Variants in MAF observed in about 807,000 individuals in gnomAD.
MAF encodes transcription factor Maf.
Under a neutral mutation model 22.0 loss-of-function variants are expected in MAF, and 10 were observed. The ratio of observed to expected loss-of-function variants is 0.45; its 90% CI spans 0.28 to 0.77. MAF has a LOEUF of 0.77. Ranked by LOEUF, MAF falls within the 30% of genes least tolerant of loss-of-function variation. The pLI is 0.12. For synonymous variants in MAF, 337 were observed against 255.8 expected, an observed-to-expected ratio of 1.32 and a Z score of -3.03; for missense variants, 544 against 548.4, an observed-to-expected ratio of 0.99 and a Z score of 0.08.
At chr16:79,218,404 T>A in the MAF span, among the ~76,000 whole-genome samples, 282 of 152,350 alleles carry the variant, frequency 1.9e-3, no homozygotes, top group African/African-American at 6.6e-3. Flanking sequence ...AGCATCTTTA[T>A]GCATACAGCT....
the MAF span, among the ~76,000 whole-genome samples, chr16:79,305,745 G>A: frequency 1.3e-5 from 2 of 152,198 alleles, no homozygotes; most frequent in African/African-American, 2.4e-5. Context: ...TAAGCAGAGA[G>A]AGGAATTTAC....
chr16:79,491,785 G>C, the MAF span, among the ~76,000 whole-genome samples: 19 of 152,192 alleles, frequency 1.2e-4, no homozygotes, highest in Non-Finnish European at 2.5e-4. Context: ...CCTTGGGATA[G>C]CACTGGCTAG....
chr16:79,374,199 G>C, the MAF span, among the ~76,000 whole-genome samples: 140 of 152,238 alleles, frequency 9.2e-4, no homozygotes, highest in Non-Finnish European at 1.5e-3. Flanking sequence ...TTGTTTCTTT[G>C]GGAATTCTTT....
chr16:79,552,070 A>G, the MAF span, among the ~76,000 whole-genome samples: 7 of 152,222 alleles, frequency 4.6e-5, no homozygotes, highest in South Asian at 1.2e-3. Flanking sequence ...TAAAGACCTG[A>G]AACCTAACCG....
At chr16:79,210,848 G>C in the MAF span, among the ~76,000 whole-genome samples, 1 of 152,166 alleles carries the variant, frequency 6.6e-6, no homozygotes. Context: ...CTCAAAAGGT[G>C]AATGAAAGTG....
chr16:79,559,706 G>A, the MAF span, among the ~76,000 whole-genome samples: 17 of 151,976 alleles, frequency 1.1e-4, no homozygotes, highest in African/African-American at 4.1e-4. Context: ...TTAAATTGGA[G>A]AAGCCAACGG....
chr16:79,383,570 C>G, the MAF span, among the ~76,000 whole-genome samples: 11 of 152,188 alleles, frequency 7.2e-5, no homozygotes, highest in Non-Finnish European at 1.5e-4. Flanking sequence ...GCTTTGATCT[C>G]AAGAAGCCAT....
the MAF span, chr16:79,203,276 C>T: frequency 6.6e-6 from 1 of 152,158 alleles, no homozygotes; most frequent in African/African-American, 2.4e-5. Context: ...TTAACAAGGC[C>T]AGCGTCTTGG....
the MAF span, among the ~76,000 whole-genome samples, chr16:79,400,730 C>G: frequency 6.6e-6 from 1 of 152,264 alleles, no homozygotes; most frequent in Non-Finnish European, 1.5e-5. Flanking sequence ...TTGATAGAGA[C>G]CCTATACCCG....
the MAF span, among the ~76,000 whole-genome samples, chr16:79,445,122 C>T: frequency 1.3e-5 from 2 of 152,126 alleles, no homozygotes; most frequent in African/African-American, 2.4e-5. Context: ...CAAGCTCCTC[C>T]TCCTGGGTTC....
the MAF span, among the ~76,000 whole-genome samples, chr16:79,350,905 G>A: frequency 7.0e-4 from 104 of 149,338 alleles, 1 homozygote; most frequent in African/African-American, 2.1e-3. Context: ...GTGTGTGTGC[G>A]TGTGAATACA....
the MAF span, among the ~76,000 whole-genome samples, chr16:79,487,753 T>C: frequency 5.9e-5 from 9 of 152,190 alleles, no homozygotes; most frequent in African/African-American, 1.9e-4. Flanking sequence ...GGAGACTACA[T>C]CCTTGGCCAG....
chr16:79,588,446 T>A (rs1912990384), intron 1 of MAF, among the ~76,000 whole-genome samples: 2 of 152,180 alleles, frequency 1.3e-5, no homozygotes, highest in Non-Finnish European at 2.9e-5. Context: ...TTTCTTTCTT[T>A]TTTTTTAAGA....
the MAF span, among the ~76,000 whole-genome samples, chr16:79,458,391 A>T: frequency 5.3e-5 from 8 of 152,200 alleles, no homozygotes; most frequent in Admixed American, 2.0e-4. Context: ...CCAACGTCAG[A>T]AACCATGTGG....
the MAF span, among the ~76,000 whole-genome samples, chr16:79,524,845 G>C: frequency 2.6e-5 from 4 of 152,182 alleles, no homozygotes; most frequent in Non-Finnish European, 4.4e-5. Flanking sequence ...CAGATTCTGT[G>C]CTGTTCAACT....
At chr16:79,545,167 T>C in the MAF span, among the ~76,000 whole-genome samples, 1 of 152,112 alleles carries the variant, frequency 6.6e-6, no homozygotes, top group Admixed American at 6.5e-5. Context: ...AATTATATCC[T>C]TAAATAATGT....
intron 1 of MAF, chr16:79,596,070 C>T: frequency 9.4e-7 from 1 of 1,062,018 alleles, no homozygotes; most frequent in Non-Finnish European, 1.1e-6. Context: ...TTTCTCTTTA[C>T]CGTTCAATGC....
At chr16:79,461,572 G>A in the MAF span, among the ~76,000 whole-genome samples, 1 of 152,172 alleles carries the variant, frequency 6.6e-6, no homozygotes, top group South Asian at 2.1e-4. Context: ...ACACTCACAT[G>A]GTACGTCTAA....
the MAF span, among the ~76,000 whole-genome samples, chr16:79,551,345 T>C: frequency 1.3e-5 from 2 of 152,184 alleles, no homozygotes; most frequent in African/African-American, 4.8e-5. Flanking sequence ...GTAGCCATTC[T>C]CTGATATGGA....
Sources: gnomAD v4.1 joint callset for allele counts (sites outside exome capture counted in the v4.1 genomes callset) on GRCh38, gnomAD v4.1.1 for gene constraint, MANE v1.5 for transcripts, NCBI Gene and HGNC (gene_info 2026-07-23, HGNC 2026-07-21) for gene names.